OLFML1: variants seen among roughly 807,000 people sequenced by gnomAD.
The protein encoded by OLFML1 is olfactomedin-like protein 1.
A neutral mutation model predicts 37.3 loss-of-function variants in OLFML1; 33 were observed. The observed-to-expected ratio is 0.88, with a 90% CI of 0.67 to 1.18. The LOEUF is 1.18. Among genes scored for constraint, OLFML1 ranks in the 50% most tolerant of loss-of-function variants. The pLI, the probability that OLFML1 is intolerant of heterozygous loss-of-function variation, is 0.00. For synonymous variants in OLFML1, 186 were observed against 181.3 expected (o/e 1.03, Z -0.21); for missense variants, 545 against 483.7 (o/e 1.13, Z -1.19).
chr11:7,498,913 T>G (rs752501925), intron 2 of OLFML1, among the ~76,000 whole-genome samples: 3 of 152,206 alleles, frequency 2.0e-5, no homozygotes, highest in Non-Finnish European at 4.4e-5. Context: ...ACTATTTGGA[T>G]AGCTCTCATC....
chr11:7,494,048 G>A (rs1848633791), intron 2 of OLFML1, among the ~76,000 whole-genome samples: 1 of 152,230 alleles, frequency 6.6e-6, no homozygotes, highest in South Asian at 2.1e-4. Flanking sequence ...TTGCCATGTA[G>A]ATGGGGGGAT....
chr11:7,505,552 T>C (rs1478462550), intron 2 of OLFML1, among the ~76,000 whole-genome samples: 1 of 152,128 alleles, frequency 6.6e-6, no homozygotes, highest in Non-Finnish European at 1.5e-5. Context: ...CACAACTGGA[T>C]TGGAGTGGTG....
intron 2 of OLFML1, among the ~76,000 whole-genome samples, chr11:7,494,384 C>T (rs571094450): frequency 1.0e-3 from 157 of 152,344 alleles, no homozygotes; most frequent in African/African-American, 3.5e-3. Flanking sequence ...ACACATAATC[C>T]TTAAGCATTT....
chr11:7,507,694 A>G (rs958893636), intron 2 of OLFML1, among the ~76,000 whole-genome samples: 2 of 152,068 alleles, frequency 1.3e-5, no homozygotes, highest in African/African-American at 4.8e-5. Context: ...GACTACCGGC[A>G]TGTGCTACCA....
intron 2 of OLFML1, among the ~76,000 whole-genome samples, chr11:7,498,405 CG>C (rs1222975398): frequency 6.6e-6 from 1 of 152,074 alleles, no homozygotes; most frequent in Admixed American, 6.6e-5. Flanking sequence ...GATGAGGAAG[CG>C]ACAAGAGAGG....
chr11:7,492,261 CTG>C (rs1023063253), intron 2 of OLFML1, among the ~76,000 whole-genome samples: 1 of 152,218 alleles, frequency 6.6e-6, no homozygotes, highest in Admixed American at 6.5e-5. Context: ...CCTCTAGAGA[CTG>C]TGCCAGTTAC....
rs1289563466 is a variant in OLFML1, at chr11:7,488,170, A to C, written c.173A>C (p.Gln58Pro). The C allele has an allele frequency of 6.2e-7, 1 of 1,613,448 alleles. No individual in the cohort carries two copies. The highest frequency in any genetic ancestry group is 1.3e-5 in the African/African-American group (1 of 74,908). Residue 58 changes from glutamine to proline, a missense_variant, in exon 2 of 3, where the codon CAA (glutamine) becomes CCA (proline). Physicochemically the swap from Gln to Pro is moderately conservative, Grantham distance 76 (BLOSUM62 -1). Coordinates refer to ENST00000329293, the MANE Select transcript of OLFML1 (RefSeq NM_198474.4). Reference protein sequence around the residue: ...KCTQATRAYIQEFQEFSKNIS... With the variant: ...KCTQATRAYIPEFQEFSKNIS... The stretch of plus-strand genomic sequence containing the variant: ...ACCCAAGCAACGAGGGCATACATTC[A>C]AGAATTCCAAGAGTTCTCAAAAAAT...
chr11:7,506,917 G>C (rs1353377551), intron 2 of OLFML1, among the ~76,000 whole-genome samples: 6 of 152,150 alleles, frequency 3.9e-5, no homozygotes, highest in Non-Finnish European at 8.8e-5. Flanking sequence ...GTGGTGAGTG[G>C]GATATTGGAG....
intron 2 of OLFML1, among the ~76,000 whole-genome samples, chr11:7,494,828 C>T (rs943227120): frequency 6.6e-6 from 1 of 152,180 alleles, no homozygotes; most frequent in Admixed American, 6.5e-5. Flanking sequence ...CTGATCTTAT[C>T]ATGGGTCACA....
chr11:7,501,620 C>T (rs1331268159), intron 2 of OLFML1, among the ~76,000 whole-genome samples: 1 of 152,204 alleles, frequency 6.6e-6, no homozygotes, highest in Non-Finnish European at 1.5e-5. Flanking sequence ...CAGCTCTTCC[C>T]AGCTAGGGTT....
In OLFML1 at chr11:7,510,070, G is replaced by C. The variant is rs769367146; in HGVS notation, c.1091G>C (p.Arg364Thr). ...TTGCCCAACTTGTTCTTCCCCAAGA[G>C]ACCAAGAAGTCACTCCATGATCCAT... ...EDLPNLFFPKRPRSHSMIHYN... is the reference protein window; with the variant it reads ...EDLPNLFFPKTPRSHSMIHYN... Residue 364 changes from arginine (R) to threonine (T), a missense_variant, in exon 3 of 3, where the codon AGA becomes ACA. Transcript: ENST00000329293. 2.5e-6 allele frequency: 4 copies of C among 1,614,228 alleles called. No individual in the cohort carries two copies. Among genetic ancestry groups the C allele is most frequent in the Non-Finnish European group, 3.4e-6 (4 of 1,180,038 alleles).
rs1053044732 is a variant in OLFML1, at chr11:7,510,447, T to C, written c.*259T>C. On this transcript the variant is annotated 3_prime_UTR_variant, in exon 3 of 3. Transcript: ENST00000329293. ...CTCCTGGCTCTCAAGGATGACCACATTCTGATACAGCCTACTTCAAGCCTT... is the reference window on the plus strand; with the variant it reads ...CTCCTGGCTCTCAAGGATGACCACACTCTGATACAGCCTACTTCAAGCCTT... 3.1e-5 allele frequency: 13 copies of C among 422,538 alleles called. No individual in the cohort carries two copies. The highest frequency in any genetic ancestry group is 5.5e-5 in the Non-Finnish European group (13 of 235,158). The allele number at this position is 422,538 out of a possible 1,614,324, so 26.2% of individuals were successfully genotyped here. A position where few individuals can be genotyped will look rare whatever the true frequency, so the allele number is the denominator to read the frequency against.
At chr11:7,504,849 T>C (rs1024653851) in intron 2 of OLFML1, 2 of 152,342 alleles carry the variant, frequency 1.3e-5, no homozygotes, top group Non-Finnish European at 2.9e-5. Context: ...TCTTGTCCTC[T>C]GACTCCAGTT....
Position 7,510,253 on chromosome 11 carries a change from T to C in OLFML1, c.*65T>C, listed in dbSNP as rs2134190820. On this transcript the variant is annotated 3_prime_UTR_variant, in exon 3 of 3. Coordinates refer to ENST00000329293, the MANE Select transcript of OLFML1 (RefSeq NM_198474.4). ...GCTGTTCTACAGGACAGTGAGGCTA[T>C]AGCCCCTTCACAATATAGTATCCCT... is the stretch of plus-strand genomic sequence containing the variant. 7.7e-7 allele frequency: 1 copy of C among 1,298,586 alleles called. No individual in the cohort carries two copies. The highest frequency in any genetic ancestry group is 2.1e-4 in the Middle Eastern group (1 of 4,664). 80.4% of individuals were successfully genotyped at this position (1,298,586 alleles called of 1,614,324 possible). A position where few individuals can be genotyped will look rare whatever the true frequency, so the allele number is the denominator to read the frequency against.
intron 2 of OLFML1, among the ~76,000 whole-genome samples, chr11:7,494,464 T>C (rs1460505956): frequency 6.6e-6 from 1 of 152,236 alleles, no homozygotes; most frequent in Non-Finnish European, 1.5e-5. Flanking sequence ...GTATATTATC[T>C]CCCGTTTTAT....
At chr11:7,493,029 G>C (rs1043597560) in intron 2 of OLFML1, among the ~76,000 whole-genome samples, 1 of 152,080 alleles carries the variant, frequency 6.6e-6, no homozygotes, top group African/African-American at 2.4e-5. Flanking sequence ...TTCTTGTATG[G>C]ATACGAGTAT....
intron 2 of OLFML1, among the ~76,000 whole-genome samples, chr11:7,495,808 T>C (rs899170716): frequency 6.6e-6 from 1 of 152,144 alleles, no homozygotes; most frequent in Admixed American, 6.5e-5. Context: ...CTATTACAGC[T>C]CCTTTTCAGA....
At chr11:7,486,099 C>T in intron 1 of OLFML1, 95 bp downstream of exon 1, 1 of 1,255,342 alleles carries the variant, frequency 8.0e-7, no homozygotes, top group Non-Finnish European at 1.1e-6. Context: ...TGTATTTTTC[C>T]CAGATAGCAA....
intron 2 of OLFML1, among the ~76,000 whole-genome samples, chr11:7,505,740 G>C (rs1848776956): frequency 2.6e-5 from 4 of 152,236 alleles, no homozygotes; most frequent in African/African-American, 7.2e-5. Context: ...AGAAGGTGGG[G>C]GGATTGCTTG....
Sources: allele counts gnomAD v4.1 joint callset (sites outside exome capture counted in the v4.1 genomes callset), GRCh38; gene constraint gnomAD v4.1.1; transcripts MANE v1.5; gene names NCBI Gene and HGNC (gene_info 2026-07-23, HGNC 2026-07-21).